The following BCAR3 variants were observed in gnomAD, a reference collection of about 807,000 sequenced individuals.
BCAR3 encodes the protein BCAR3 adaptor protein, NSP family member, also known as breast cancer anti-estrogen resistance protein 3.
Under a neutral mutation model 80.1 loss-of-function variants are expected in BCAR3, and 37 were observed. The ratio of observed to expected loss-of-function variants is 0.46; its 90% CI spans 0.36 to 0.61. The LOEUF is 0.61. BCAR3 is among the 20% of genes least tolerant of loss of function. BCAR3 has a pLI of 0.00. For synonymous variants in BCAR3, 389 were observed against 418.9 expected (o/e 0.93, Z 0.87); for missense variants, 978 against 1,068.2 (o/e 0.92, Z 1.18).
chr1:93,578,985 C>T (rs1391702241), intron 7 of BCAR3, among the ~76,000 whole-genome samples: 1 of 152,232 alleles, frequency 6.6e-6, no homozygotes, highest in Non-Finnish European at 1.5e-5. Context: ...AGGATTCAGG[C>T]TCAGTCGGGC....
At chr1:93,687,488 G>A (rs975933705) in intron 3 of BCAR3, among the ~76,000 whole-genome samples, 3 of 151,958 alleles carry the variant, frequency 2.0e-5, no homozygotes, top group African/African-American at 4.8e-5. Flanking sequence ...TTGTATTTTT[G>A]TAGAGACGGG....
At chr1:93,840,687 C>T (rs921874795) in intron 2 of BCAR3, among the ~76,000 whole-genome samples, 5 of 152,214 alleles carry the variant, frequency 3.3e-5, no homozygotes, top group African/African-American at 1.2e-4. Context: ...TCTACTTCCA[C>T]AAACGCATTC....
intron 2 of BCAR3, among the ~76,000 whole-genome samples, chr1:93,821,635 T>C (rs1040176997): frequency 1.3e-5 from 2 of 152,198 alleles, no homozygotes; most frequent in African/African-American, 4.8e-5. Context: ...GTGTCTACAG[T>C]TGTCCCTCCA....
At chr1:93,666,817 G>A (rs778027225) in intron 2 of BCAR3, among the ~76,000 whole-genome samples, 8 of 152,172 alleles carry the variant, frequency 5.3e-5, no homozygotes, top group Admixed American at 3.3e-4. Context: ...GCTCATTGCT[G>A]TAGGGCAGGC....
chr1:93,679,563 TC>T (rs1215079285), intron 1 of BCAR3, among the ~76,000 whole-genome samples: 5 of 152,172 alleles, frequency 3.3e-5, no homozygotes, highest in Admixed American at 6.5e-5. Flanking sequence ...AAACACAATG[TC>T]CTGACTCAGT....
intron 2 of BCAR3, among the ~76,000 whole-genome samples, chr1:93,843,240 A>C (rs1655026217): frequency 6.6e-6 from 1 of 152,188 alleles, no homozygotes; most frequent in Non-Finnish European, 1.5e-5. Flanking sequence ...CAGAAATGAA[A>C]TGTACAGCTG....
At chr1:93,777,393 T>C (rs1441964058) in intron 2 of BCAR3, among the ~76,000 whole-genome samples, 5 of 135,824 alleles carry the variant, frequency 3.7e-5, no homozygotes, top group Admixed American at 1.5e-4. Flanking sequence ...CTTCTTCCTC[T>C]TCTTCCTCTT....
At chr1:93,693,172 A>T (rs1178148591) in intron 3 of BCAR3, among the ~76,000 whole-genome samples, 1 of 152,214 alleles carries the variant, frequency 6.6e-6, no homozygotes, top group Non-Finnish European at 1.5e-5. Context: ...CTCCAACTCA[A>T]CAACCCTCCT....
intron 2 of BCAR3, among the ~76,000 whole-genome samples, chr1:93,655,027 A>C (rs1647305859): frequency 6.6e-6 from 1 of 152,202 alleles, no homozygotes; most frequent in Non-Finnish European, 1.5e-5. Flanking sequence ...TGCACATGGC[A>C]GTTGCCCAGT....
chr1:93,584,141 G>A lies in BCAR3; in HGVS notation c.930-20C>T. On this transcript the variant is annotated intron_variant, in intron 5 of 11. Coordinates refer to ENST00000260502, the MANE Select transcript of BCAR3 (RefSeq NM_003567.4). The stretch of plus-strand genomic sequence containing the variant: ...TTGTTTCTGAAGTAAAAGACACATA[G>A]GATGGAAATGTGTTACTAACGTGTA... The A allele has an allele frequency of 6.2e-7, 1 of 1,601,280 alleles. No homozygotes were observed. Among genetic ancestry groups the A allele is most frequent in the Non-Finnish European group, 8.6e-7 (1 of 1,169,578 alleles).
chr1:93,819,022 G>A (rs1387925916), intron 2 of BCAR3, among the ~76,000 whole-genome samples: 1 of 151,894 alleles, frequency 6.6e-6, no homozygotes, highest in Non-Finnish European at 1.5e-5. Context: ...TGTTGAGATA[G>A]AAGCAATGAT....
chr1:93,764,486 A>G (rs76561922), intron 2 of BCAR3, among the ~76,000 whole-genome samples: 2,424 of 151,964 alleles, frequency 0.016, 32 homozygotes, highest in Non-Finnish European at 0.025. Flanking sequence ...CAAGCCCTAC[A>G]GAGTCTACCC....
rs1377837118 is a variant in BCAR3, at chr1:93,592,238, T to G, written c.486+27A>C. The G allele has an allele frequency of 6.2e-7, 1 of 1,612,940 alleles. No homozygotes were observed. Among genetic ancestry groups the G allele is most frequent in the East Asian group, 2.2e-5 (1 of 44,872 alleles). On this transcript the variant is annotated intron_variant, in intron 4 of 11. Transcript: ENST00000260502. This position sits in a 1 kb window ranked among gnomAD's most constrained non-coding sequence, Gnocchi z 4.8. ...TACATTGCCTGAGAGCAGCCGTGTATGCTCTGGAAGGGACAAGACCAGGTA... is the reference window on the plus strand; with the variant it reads ...TACATTGCCTGAGAGCAGCCGTGTAGGCTCTGGAAGGGACAAGACCAGGTA...
intron 2 of BCAR3, among the ~76,000 whole-genome samples, chr1:93,668,447 T>C (rs1486693057): frequency 6.6e-6 from 1 of 152,180 alleles, no homozygotes; most frequent in Non-Finnish European, 1.5e-5. Context: ...GCTCCTGTCC[T>C]CAGCACACCA....
At chr1:93,587,270 C>G (rs1673983339) in intron 5 of BCAR3, among the ~76,000 whole-genome samples, 1 of 152,192 alleles carries the variant, frequency 6.6e-6, no homozygotes, top group Non-Finnish European at 1.5e-5. Flanking sequence ...AGGCAATCTG[C>G]CCACCTTAGC....
chr1:93,692,426 T>C (rs1649227231), intron 3 of BCAR3, among the ~76,000 whole-genome samples: 1 of 152,136 alleles, frequency 6.6e-6, no homozygotes, highest in Admixed American at 6.5e-5. Flanking sequence ...CACACAAGAA[T>C]TGGCCTAGGT....
intron 2 of BCAR3, among the ~76,000 whole-genome samples, chr1:93,663,264 C>T (rs1647746452): frequency 6.6e-6 from 1 of 152,182 alleles, no homozygotes; most frequent in Admixed American, 6.5e-5. Flanking sequence ...TCACATTTTT[C>T]ACAATCCTCT....
intron 2 of BCAR3, among the ~76,000 whole-genome samples, chr1:93,843,625 C>G (rs936345456): frequency 6.6e-6 from 1 of 152,086 alleles, no homozygotes; most frequent in South Asian, 2.1e-4. Context: ...TTTAAAAATT[C>G]CTTTTTAGGT....
chr1:93,613,886 C>T (rs1030068622), intron 3 of BCAR3: 4 of 1,550,468 alleles, frequency 2.6e-6, no homozygotes, highest in Non-Finnish European at 3.5e-6. Context: ...AGAAGCAGCA[C>T]AGAGCTGCTG....
Sources: allele counts gnomAD v4.1 joint callset (sites outside exome capture counted in the v4.1 genomes callset), GRCh38; gene constraint gnomAD v4.1.1; non-coding constraint Gnocchi (gnomAD v3.1); transcripts MANE v1.5; gene names NCBI Gene and HGNC (gene_info 2026-07-23, HGNC 2026-07-21).